RSRC2: variants seen among roughly 807,000 people sequenced by gnomAD.
The protein encoded by RSRC2 is arginine and serine rich coiled-coil 2.
RSRC2 carries 5 observed loss-of-function variants against 61.3 expected under a neutral mutation model. The ratio of observed to expected loss-of-function variants is 0.08; its 90% CI spans 0.04 to 0.17. RSRC2 has a LOEUF of 0.17. Ranked by LOEUF, RSRC2 falls within the 10% of genes least tolerant of loss-of-function variation. The pLI is 1.00. For synonymous variants in RSRC2, 202 were observed against 166.5 expected (o/e 1.21, Z -1.64); for missense variants, 381 against 518.8 (o/e 0.73, Z 2.58).
At chr12:122,512,011 T>G (rs1252486775) in intron 6 of RSRC2, among the ~76,000 whole-genome samples, 1 of 152,194 alleles carries the variant, frequency 6.6e-6, no homozygotes, top group Non-Finnish European at 1.5e-5. Flanking sequence ...TTCACCAATG[T>G]TGGTCAGCCT....
intron 6 of RSRC2, chr12:122,513,773 G>T (rs1257973476): frequency 1.0e-6 from 1 of 985,088 alleles, no homozygotes; most frequent in African/African-American, 1.7e-5. Flanking sequence ...TCACACTTTT[G>T]CTGCTGTTCA....
intron 1 of RSRC2, among the ~76,000 whole-genome samples, chr12:122,525,581 T>G (rs1960062425): frequency 6.6e-6 from 1 of 152,180 alleles, no homozygotes; most frequent in Non-Finnish European, 1.5e-5. Context: ...ACTTTAAAAC[T>G]ATCACTATGT....
At chr12:122,513,935 G>A (rs533207308) in intron 6 of RSRC2, 43 of 310,566 alleles carry the variant, frequency 1.4e-4, no homozygotes, top group African/African-American at 9.0e-4. Context: ...GAGAGGCTGA[G>A]GTGGGAGGAT....
chr12:122,511,104 A>G lies in RSRC2; in HGVS notation c.805+5T>C. On this transcript the variant is annotated splice_donor_5th_base_variant and intron_variant, in intron 7 of 9. Coordinates refer to ENST00000331738, the MANE Select transcript of RSRC2 (RefSeq NM_023012.6). ...AGATGACTAAAAAAGAATGAAAAAA[A>G]TTACCTGCAGCTATTTCTTGTTGTT... 1 of 1,591,092 alleles carries G rather than the reference A, an allele frequency of 6.3e-7. No homozygotes were observed. Among genetic ancestry groups the G allele is most frequent in the Non-Finnish European group, 8.5e-7 (1 of 1,172,244 alleles).
rs1161110290 is a variant in RSRC2, at chr12:122,505,488, G to T, written c.*39C>A. On this transcript the variant is annotated 3_prime_UTR_variant, in exon 10 of 10. Coordinates refer to ENST00000331738, the MANE Select transcript of RSRC2 (RefSeq NM_023012.6). ...GAACAAGGACGTGACATCAGAACAAGAAGTCTATAAGTCCCAAACTTTACA... is the reference window on the plus strand; with the variant it reads ...GAACAAGGACGTGACATCAGAACAATAAGTCTATAAGTCCCAAACTTTACA... 1 of 1,585,458 alleles carries T rather than the reference G, an allele frequency of 6.3e-7. No individual in the cohort carries two copies.
chr12:122,517,055 T>C (rs533992658), intron 5 of RSRC2, among the ~76,000 whole-genome samples, 172 bp downstream of exon 5: 1 of 152,362 alleles, frequency 6.6e-6, no homozygotes, highest in South Asian at 2.1e-4. Context: ...TACCTGTGAA[T>C]GCTATTCAAG....
chr12:122,505,472 C>CT lies in RSRC2; in HGVS notation c.*54_*55insA. ...GTGCTAGCTGTTTGGTGAACAAGGA[C>CT]GTGACATCAGAACAAGAAGTCTATA... On this transcript the variant is annotated 3_prime_UTR_variant, in exon 10 of 10. Coordinates refer to ENST00000331738, the MANE Select transcript of RSRC2 (RefSeq NM_023012.6). The CT allele has an allele frequency of 6.6e-7, 1 of 1,517,550 alleles. No individual in the cohort carries two copies. Among genetic ancestry groups the CT allele is most frequent in the East Asian group, 2.3e-5 (1 of 44,154 alleles). 94.0% of individuals were successfully genotyped at this position (1,517,550 alleles called of 1,614,324 possible).
chr12:122,514,602 C>A lies in RSRC2; in HGVS notation c.725+503G>T, dbSNP rs557865458. On this transcript the variant is annotated intron_variant, in intron 6 of 9. Coordinates refer to ENST00000331738, the MANE Select transcript of RSRC2 (RefSeq NM_023012.6). Reference sequence around the variant, plus strand: ...AAATTAAAAAAAAAAAAAAAAAGTTCTCCCATAGTTACCAGGAATAAAACT... The same window carrying A: ...AAATTAAAAAAAAAAAAAAAAAGTTATCCCATAGTTACCAGGAATAAAACT... 1.3e-4 allele frequency: 134 copies of A among 993,040 alleles called. No individual in the cohort carries two copies. In the African/African-American group the frequency reaches 2.2e-3, roughly 16 times the overall value. The allele number at this position is 993,040 out of a possible 1,614,324, so 61.5% of individuals were successfully genotyped here.
intron 2 of RSRC2, 130 bp from the exon 3 acceptor site, chr12:122,521,558 G>T: frequency 1.4e-6 from 1 of 734,644 alleles, no homozygotes; most frequent in Non-Finnish European, 2.4e-6. Context: ...TTCATGGCAC[G>T]GGTGGGATTA....
chr12:122,513,235 AT>A (rs1287417887), intron 6 of RSRC2, among the ~76,000 whole-genome samples: 4 of 92,164 alleles, frequency 4.3e-5, no homozygotes, highest in South Asian at 3.2e-4. Flanking sequence ...AAATAAATAA[AT>A]AAATAAATAA....
intron 5 of RSRC2, 99 bp from the exon 6 acceptor site, chr12:122,515,326 A>G: frequency 3.3e-6 from 4 of 1,203,870 alleles, no homozygotes; most frequent in South Asian, 1.4e-5. Context: ...CAACGATACA[A>G]AAACATTTAG....
At position 122,518,747 on chromosome 12, in the gene RSRC2, C is replaced by T. The variant is rs914071293; in HGVS notation, c.398+92G>A. ...CCAAACAAACGAACAAGAAAAACTC[C>T]CTAATTATGATTTTTTTGGGTGTTG... On this transcript the variant is annotated intron_variant, in intron 4 of 9. Transcript: ENST00000331738. 6.0e-6 allele frequency: 6 copies of T among 1,000,862 alleles called. No homozygotes were observed. The African/African-American group carries it at 9.7e-5, about 16-fold the overall frequency. 62.0% of individuals were successfully genotyped at this position (1,000,862 alleles called of 1,614,324 possible).
rs753134403 is a variant in RSRC2 at position 122,517,288 on chromosome 12, G to A, written c.541C>T (p.Arg181Cys). 27 of 1,613,884 alleles carry A rather than the reference G, an allele frequency of 1.7e-5. No individual in the cohort carries two copies. Among genetic ancestry groups the A allele is most frequent in the Middle Eastern group, 1.6e-4 (1 of 6,084 alleles). The change falls in exon 5 of 10, where the codon CGC (arginine) becomes TGC (cysteine). Residue 181 changes from arginine (R) to cysteine (C), a missense_variant. By Grantham distance (180) the Arg-to-Cys change is radical (BLOSUM62 -3). This residue lies in a region of RSRC2 where 266 missense variants were observed against 270.5 expected (regional missense o/e 0.98). Coordinates refer to ENST00000331738, the MANE Select transcript of RSRC2 (RefSeq NM_023012.6). ...CTATGCCTGTGTCTTGATCTTGAGC[G>A]GGAACGAGACCTGATCCGCCGTTTT... is the stretch of plus-strand genomic sequence containing the variant. ...ERKRRIRSRSRSRSRHRHRTR... is the reference protein window; with the variant it reads ...ERKRRIRSRSCSRSRHRHRTR...
At chr12:122,515,567 C>G (rs1012168818) in intron 5 of RSRC2, among the ~76,000 whole-genome samples, 1 of 152,186 alleles carries the variant, frequency 6.6e-6, no homozygotes, top group Non-Finnish European at 1.5e-5. Flanking sequence ...GTTGGAAAAG[C>G]TAGCCTTATA....
Position 122,503,767 on chromosome 12 carries a change from G to A in RSRC2, c.*1760C>T, listed in dbSNP as rs147125882. On this transcript the variant is annotated 3_prime_UTR_variant, in exon 10 of 10. Transcript: ENST00000331738. The stretch of plus-strand genomic sequence containing the variant: ...TTTCTGTGCTCTGGGAAAATGAAAG[G>A]TTTATTAAAGTACATTAAAAATCTT... 13 of 152,276 alleles carry A rather than the reference G, an allele frequency of 8.5e-5. No homozygotes were observed. The highest frequency in any genetic ancestry group is 3.1e-4 in the African/African-American group (13 of 41,560). The allele number at this position is 152,276 out of a possible 1,614,324, so 9.4% of individuals were successfully genotyped here.
chr12:122,521,452 T>A, intron 2 of RSRC2, 24 bp from the exon 3 acceptor site: 1 of 1,603,348 alleles, frequency 6.2e-7, no homozygotes, highest in Non-Finnish European at 8.5e-7. Flanking sequence ...AAAAAAATAA[T>A]CACCATAAAC....
At chr12:122,522,078 T>C (rs998741751) in intron 2 of RSRC2, 65 bp downstream of exon 2, 1 of 1,470,072 alleles carries the variant, frequency 6.8e-7, no homozygotes, top group Non-Finnish European at 9.2e-7. Flanking sequence ...TGTGTCTTCT[T>C]ATACAACAGG....
chr12:122,506,961 T>C, intron 8 of RSRC2, 38 bp from the exon 9 acceptor site: 1 of 1,187,218 alleles, frequency 8.4e-7, no homozygotes, highest in Non-Finnish European at 1.2e-6. Context: ...ATGTAAAATT[T>C]AAATATTTTT....
intron 6 of RSRC2, chr12:122,514,453 T>G (rs2137479858): frequency 3.8e-6 from 1 of 262,448 alleles, no homozygotes; most frequent in East Asian, 1.8e-4. Context: ...TTAGTAGAGA[T>G]GGGGTTTCAC....
Sources: gnomAD v4.1 joint callset for allele counts (sites outside exome capture counted in the v4.1 genomes callset) on GRCh38, gnomAD v4.1.1 for gene constraint, gnomAD v4.1.1 regional missense constraint, MANE v1.5 for transcripts, NCBI Gene and HGNC (gene_info 2026-07-23, HGNC 2026-07-21) for gene names.